The following AKAP19 variants were observed in gnomAD, a reference collection of about 807,000 sequenced individuals.
The protein encoded by AKAP19 is small A-kinase anchoring protein.
chr2:189,932,272 G>A, the AKAP19 span, among the ~76,000 whole-genome samples: 1 of 152,198 alleles, frequency 6.6e-6, no homozygotes, highest in South Asian at 2.1e-4. Flanking sequence ...GCTGGATGTG[G>A]TGGCACGCAC....
At chr2:190,171,669 A>T in the AKAP19 span, among the ~76,000 whole-genome samples, 1 of 152,174 alleles carries the variant, frequency 6.6e-6, no homozygotes, top group Non-Finnish European at 1.5e-5. Flanking sequence ...AAAATTTCAT[A>T]TTACTCAAAA....
At chr2:190,057,332 A>G in the AKAP19 span, 3 of 1,613,494 alleles carry the variant, frequency 1.9e-6, no homozygotes, top group Non-Finnish European at 2.5e-6. Context: ...CCATTAAAAT[A>G]TAGCATATTA....
the AKAP19 span, among the ~76,000 whole-genome samples, chr2:190,114,212 G>A: frequency 1.1e-4 from 17 of 152,094 alleles, no homozygotes; most frequent in South Asian, 3.3e-3. Context: ...TTTTAATTCT[G>A]GATTCATAAA....
chr2:190,104,207 A>T, the AKAP19 span, among the ~76,000 whole-genome samples: 1 of 152,222 alleles, frequency 6.6e-6, no homozygotes, highest in African/African-American at 2.4e-5. Flanking sequence ...TAAAGATTTA[A>T]ATGTAAGACC....
chr2:189,968,461 A>C, the AKAP19 span, among the ~76,000 whole-genome samples: 1 of 152,152 alleles, frequency 6.6e-6, no homozygotes, highest in South Asian at 2.1e-4. Flanking sequence ...GCTGGTCTTC[A>C]CCTCGTGGCC....
chr2:189,944,786 A>C, the AKAP19 span, among the ~76,000 whole-genome samples: 3 of 152,230 alleles, frequency 2.0e-5, no homozygotes, highest in Non-Finnish European at 4.4e-5. Flanking sequence ...AATGCTGCAG[A>C]ATACTCATTG....
chr2:190,127,969 T>A, the AKAP19 span, among the ~76,000 whole-genome samples: 9 of 151,850 alleles, frequency 5.9e-5, no homozygotes, highest in Admixed American at 4.6e-4. Flanking sequence ...ATCACAGATA[T>A]AAAATTTAAA....
At chr2:189,965,466 T>C in the AKAP19 span, among the ~76,000 whole-genome samples, 990 of 151,264 alleles carry the variant, frequency 6.5e-3, 5 homozygotes, top group Middle Eastern at 0.01. Flanking sequence ...AAACCAACAG[T>C]CCCATCAAAA....
chr2:190,137,188 TGA>T, the AKAP19 span, among the ~76,000 whole-genome samples: 9 of 152,180 alleles, frequency 5.9e-5, no homozygotes, highest in Admixed American at 2.0e-4. Flanking sequence ...AGAAAATGGT[TGA>T]GTCTATAAAA....
chr2:190,094,234 G>T, the AKAP19 span, among the ~76,000 whole-genome samples: 1 of 152,308 alleles, frequency 6.6e-6, no homozygotes, highest in Non-Finnish European at 1.5e-5. Context: ...CATTTTCAGA[G>T]AAATAATATT....
At chr2:190,133,100 T>C in the AKAP19 span, among the ~76,000 whole-genome samples, 1 of 151,216 alleles carries the variant, frequency 6.6e-6, no homozygotes, top group Non-Finnish European at 1.5e-5. Context: ...TAGCCGGGCG[T>C]GGTGGCGGGC....
the AKAP19 span, among the ~76,000 whole-genome samples, chr2:189,994,003 G>C: frequency 1.3e-5 from 2 of 149,174 alleles, no homozygotes; most frequent in African/African-American, 2.5e-5. Flanking sequence ...ATTTCATTTA[G>C]TTCTGCTCTG....
the AKAP19 span, among the ~76,000 whole-genome samples, chr2:190,100,230 A>C: frequency 6.6e-6 from 1 of 152,048 alleles, no homozygotes; most frequent in Non-Finnish European, 1.5e-5. Flanking sequence ...GATGAATGAG[A>C]AAATATCACC....
the AKAP19 span, among the ~76,000 whole-genome samples, chr2:189,994,071 C>T: frequency 1.3e-5 from 2 of 149,782 alleles, no homozygotes; most frequent in Non-Finnish European, 3.0e-5. Context: ...AGTGCACTGG[C>T]GCGATCTCAG....
the AKAP19 span, among the ~76,000 whole-genome samples, chr2:190,194,563 G>T: frequency 6.6e-6 from 1 of 151,076 alleles, no homozygotes; most frequent in African/African-American, 2.4e-5. Flanking sequence ...TGAAATCCAC[G>T]TTATTTTAGG....
the AKAP19 span, chr2:190,060,584 CA>C: frequency 5.7e-6 from 4 of 705,214 alleles, no homozygotes; most frequent in East Asian, 2.8e-5. Context: ...CTTTATAACT[CA>C]AAAAAATGTC....
At chr2:189,879,616 C>CCCG in the AKAP19 span, 1 of 152,302 alleles carries the variant, frequency 6.6e-6, no homozygotes, top group Non-Finnish European at 1.5e-5. Context: ...CCCAGCACCA[C>CCCG]CCGCGGGACC....
the AKAP19 span, among the ~76,000 whole-genome samples, chr2:190,076,579 T>G: frequency 6.6e-6 from 1 of 150,704 alleles, no homozygotes; most frequent in Admixed American, 6.6e-5. Flanking sequence ...TTGCCAACAT[T>G]TTTCTTTAAA....
chr2:190,129,189 TC>T, the AKAP19 span, among the ~76,000 whole-genome samples: 1 of 152,176 alleles, frequency 6.6e-6, no homozygotes, highest in Non-Finnish European at 1.5e-5. Flanking sequence ...TACTGATGCC[TC>T]ATAATTTAAT....
Sources: allele counts gnomAD v4.1 joint callset (sites outside exome capture counted in the v4.1 genomes callset), GRCh38; gene constraint gnomAD v4.1.1; transcripts MANE v1.5; gene names NCBI Gene and HGNC (gene_info 2026-07-23, HGNC 2026-07-21).